The following LSAMP variants were observed in gnomAD, a reference collection of about 807,000 sequenced individuals.
LSAMP encodes the protein limbic system-associated membrane protein.
In LSAMP, 7 loss-of-function variants were observed where a neutral mutation model predicts 38.6. The observed-to-expected ratio is 0.18, with a 90% CI of 0.10 to 0.34. LSAMP has a LOEUF of 0.34. Among genes scored for constraint, LSAMP ranks in the 10% least tolerant of loss-of-function variants. LSAMP has a pLI of 1.00. For synonymous variants in LSAMP, 154 were observed against 166.8 expected, an observed-to-expected ratio of 0.92 and a Z score of 0.59; for missense variants, 313 against 420.0, an observed-to-expected ratio of 0.75 and a Z score of 2.23.
chr3:116,248,922 C>G (rs1289916749), intron 1 of LSAMP, among the ~76,000 whole-genome samples: 2 of 151,924 alleles, frequency 1.3e-5, no homozygotes, highest in South Asian at 4.2e-4. Context: ...CTGAGGCAGG[C>G]GGATCACGAG....
chr3:116,073,648 G>A (rs1474481605), intron 2 of LSAMP, among the ~76,000 whole-genome samples: 1 of 152,084 alleles, frequency 6.6e-6, no homozygotes, highest in East Asian at 1.9e-4. Context: ...TGGAATGCTA[G>A]TGACTTTTGC....
intron 1 of LSAMP, among the ~76,000 whole-genome samples, chr3:116,120,852 G>GCAA (rs1184416609): frequency 6.6e-6 from 1 of 152,176 alleles, no homozygotes; most frequent in East Asian, 1.9e-4. Flanking sequence ...AAACTTGATG[G>GCAA]ATGCATCAGG....
intron 1 of LSAMP, among the ~76,000 whole-genome samples, chr3:116,291,835 C>A (rs1403718169): frequency 6.6e-6 from 1 of 152,120 alleles, no homozygotes. Flanking sequence ...GTTGCATAAA[C>A]CTGAAGTTTT....
intron 4 of LSAMP, among the ~76,000 whole-genome samples, chr3:115,845,177 T>C (rs1168636036): frequency 6.6e-6 from 1 of 152,124 alleles, no homozygotes; most frequent in Non-Finnish European, 1.5e-5. Context: ...AGTAAAGAAG[T>C]AAGACGACCA....
chr3:116,090,365 A>G (rs983930572), intron 1 of LSAMP, among the ~76,000 whole-genome samples: 1 of 152,232 alleles, frequency 6.6e-6, no homozygotes, highest in Non-Finnish European at 1.5e-5. Flanking sequence ...AAATGCTGAT[A>G]TAAATACAGA....
chr3:115,847,180 T>C (rs2972479), intron 4 of LSAMP, among the ~76,000 whole-genome samples: 14,730 of 152,202 alleles, frequency 0.097, 1,053 homozygotes, highest in Admixed American at 0.25. Context: ...CCAAAGCTGT[T>C]TGATTTTGTG....
chr3:116,338,840 T>C (rs187929680), intron 1 of LSAMP, among the ~76,000 whole-genome samples: 38 of 152,172 alleles, frequency 2.5e-4, no homozygotes, highest in Non-Finnish European at 3.7e-4. Context: ...CACCCCAAGG[T>C]GGCACTTCTG....
intron 4 of LSAMP, among the ~76,000 whole-genome samples, chr3:115,846,265 G>A (rs1006359932): frequency 6.6e-6 from 1 of 152,064 alleles, no homozygotes; most frequent in Admixed American, 6.6e-5. Flanking sequence ...AATTGTCAAA[G>A]GACTCTTCCA....
chr3:116,295,302 C>T (rs1204642823), intron 1 of LSAMP, among the ~76,000 whole-genome samples: 1 of 152,150 alleles, frequency 6.6e-6, no homozygotes, highest in Non-Finnish European at 1.5e-5. Flanking sequence ...CAAGAACTTC[C>T]AGTACAATGA....
chr3:116,000,463 C>T (rs142636163), intron 3 of LSAMP, among the ~76,000 whole-genome samples: 3 of 152,272 alleles, frequency 2.0e-5, no homozygotes, highest in Non-Finnish European at 2.9e-5. Context: ...CCTCCTCAAA[C>T]GCGGATGGCC....
intron 1 of LSAMP, among the ~76,000 whole-genome samples, chr3:116,222,467 A>G (rs1361815937): frequency 1.3e-5 from 2 of 152,188 alleles, no homozygotes; most frequent in Non-Finnish European, 2.9e-5. Flanking sequence ...GTGAGGTAGG[A>G]AAAAGGCTTA....
intron 1 of LSAMP, among the ~76,000 whole-genome samples, chr3:116,157,116 C>T (rs1308444098): frequency 6.6e-6 from 1 of 151,882 alleles, no homozygotes; most frequent in Non-Finnish European, 1.5e-5. Flanking sequence ...CTAACCAGGC[C>T]CAGACCCAAG....
intron 2 of LSAMP, among the ~76,000 whole-genome samples, chr3:116,052,829 G>A (rs1321011279): frequency 1.3e-5 from 2 of 152,152 alleles, no homozygotes; most frequent in South Asian, 2.1e-4. Flanking sequence ...TTAGTTGGAC[G>A]GAATTTGATT....
At chr3:116,096,538 A>T (rs1708230035) in intron 1 of LSAMP, among the ~76,000 whole-genome samples, 1 of 152,236 alleles carries the variant, frequency 6.6e-6, no homozygotes, top group Non-Finnish European at 1.5e-5. Context: ...GTTATAGTGC[A>T]ATGGTGTAAA....
intron 3 of LSAMP, among the ~76,000 whole-genome samples, chr3:115,925,760 G>A (rs541854541): frequency 1.3e-5 from 2 of 152,006 alleles, no homozygotes; most frequent in Non-Finnish European, 2.9e-5. Context: ...GAGTGTTCCA[G>A]TTAATTGGGT....
chr3:115,838,500 C>T (rs1934870512), intron 6 of LSAMP, among the ~76,000 whole-genome samples: 1 of 152,190 alleles, frequency 6.6e-6, no homozygotes, highest in African/African-American at 2.4e-5. Flanking sequence ...GACTAGGGAG[C>T]TGAATCCTTG....
intron 3 of LSAMP, among the ~76,000 whole-genome samples, chr3:115,917,220 C>T (rs1937270875): frequency 6.6e-6 from 1 of 152,206 alleles, no homozygotes; most frequent in Admixed American, 6.5e-5. Context: ...GGACATTAAA[C>T]AATGCTCAAT....
At position 115,903,970 on chromosome 3, in the gene LSAMP, C is replaced by G. The variant is rs530714734; in HGVS notation, c.515-51353G>C. Among the ~76,000 whole-genome samples the G allele has an allele frequency of 2.7e-4, 41 of 152,194 alleles. No individual in the cohort carries two copies. The South Asian group carries it at 8.3e-3, about 31-fold the overall frequency. ...TTGCATAGCTCACTGATGAGTGATT[C>G]CAGATAAATGACACATTACTGCAGA... On this transcript the variant is annotated intron_variant, in intron 3 of 6. Coordinates refer to ENST00000490035, the MANE Select transcript of LSAMP (RefSeq NM_002338.5).
At chr3:116,123,184 A>C (rs1165148318) in intron 1 of LSAMP, among the ~76,000 whole-genome samples, 1 of 152,234 alleles carries the variant, frequency 6.6e-6, no homozygotes, top group Non-Finnish European at 1.5e-5. Flanking sequence ...ATGTAAACAG[A>C]TATAACCAAG....
Sources: gnomAD v4.1 joint callset for allele counts (sites outside exome capture counted in the v4.1 genomes callset) on GRCh38, gnomAD v4.1.1 for gene constraint, MANE v1.5 for transcripts, NCBI Gene and HGNC (gene_info 2026-07-23, HGNC 2026-07-21) for gene names.